Variants in SLC25A26 observed in about 807,000 individuals in gnomAD.
The protein encoded by SLC25A26 is mitochondrial S-adenosylmethionine carrier protein.
Under a neutral mutation model 37.8 loss-of-function variants are expected in SLC25A26, and 36 were observed. The observed-to-expected ratio is 0.95, with a 90% CI of 0.73 to 1.26. The LOEUF (loss-of-function observed/expected upper bound fraction) is 1.26. Ranked by LOEUF, SLC25A26 falls within the 50% of genes most tolerant of loss-of-function variation. The pLI is 0.00. For synonymous variants in SLC25A26, 129 were observed against 122.5 expected (o/e 1.05, Z -0.35); for missense variants, 390 against 331.1 (o/e 1.18, Z -1.38).
chr3:66,322,296 T>G (rs979232498), intron 5 of SLC25A26, among the ~76,000 whole-genome samples: 1 of 152,216 alleles, frequency 6.6e-6, no homozygotes, highest in African/African-American at 2.4e-5. Flanking sequence ...TTTTACCCTG[T>G]GAAGTTTAAA....
intron 5 of SLC25A26, among the ~76,000 whole-genome samples, chr3:66,274,024 A>G (rs1009506964): frequency 1.2e-4 from 18 of 152,308 alleles, no homozygotes; most frequent in Admixed American, 3.9e-4. Context: ...AGTAACCAAA[A>G]CAGCATGGTA....
upstream of SLC25A26, among the ~76,000 whole-genome samples, chr3:66,217,502 G>A: frequency 6.6e-6 from 1 of 151,916 alleles, no homozygotes; most frequent in Admixed American, 6.5e-5. Flanking sequence ...TCATCATCCT[G>A]CGAGATAGTA....
At chr3:66,172,458 A>G (rs984130628) in intron 1 of SLC25A26, among the ~76,000 whole-genome samples, 2 of 150,796 alleles carry the variant, frequency 1.3e-5, no homozygotes, top group African/African-American at 4.9e-5. Context: ...AAAGAGAGAA[A>G]GAAAGAAAAA....
chr3:66,283,014 TATC>T (rs2074397772), intron 5 of SLC25A26, among the ~76,000 whole-genome samples: 1 of 152,244 alleles, frequency 6.6e-6, no homozygotes, highest in Non-Finnish European at 1.5e-5. Flanking sequence ...TTATTGCATG[TATC>T]AATAGTTTCT....
chr3:66,355,657 A>G (rs2076557762), intron 6 of SLC25A26, among the ~76,000 whole-genome samples: 1 of 152,240 alleles, frequency 6.6e-6, no homozygotes, highest in Non-Finnish European at 1.5e-5. Context: ...GTATGTGAGT[A>G]CTTCACAGAG....
chr3:66,144,863 C>A (rs2070092507), intron 1 of SLC25A26, among the ~76,000 whole-genome samples: 1 of 152,178 alleles, frequency 6.6e-6, no homozygotes, highest in Admixed American at 6.5e-5. Context: ...ATGTGGAGAT[C>A]ATGACTCTAG....
At chr3:66,144,833 A>T (rs76188657) in intron 1 of SLC25A26, among the ~76,000 whole-genome samples, 2,362 of 152,296 alleles carry the variant, frequency 0.016, 55 homozygotes, top group African/African-American at 0.051. Flanking sequence ...AAACTCTAAT[A>T]ATCATAAAGT....
chr3:66,306,540 G>T (rs890113385), intron 5 of SLC25A26, among the ~76,000 whole-genome samples: 1 of 151,956 alleles, frequency 6.6e-6, no homozygotes, highest in Non-Finnish European at 1.5e-5. Context: ...TGCACAACGT[G>T]CAGGTTTGTT....
At chr3:66,230,674 T>C (rs1456106528) in intron 1 of SLC25A26, among the ~76,000 whole-genome samples, 4 of 151,538 alleles carry the variant, frequency 2.6e-5, no homozygotes, top group Non-Finnish European at 5.9e-5. Flanking sequence ...GCATGGTGGC[T>C]CACGCCTGTA....
chr3:66,214,785 A>AT (rs1247151537), intron 1 of SLC25A26, among the ~76,000 whole-genome samples: 22 of 150,738 alleles, frequency 1.5e-4, no homozygotes, highest in South Asian at 8.4e-4. Context: ...ATTAACTGAA[A>AT]TTTTTTTTTT....
Position 66,221,092 on chromosome 3 carries a change from A to T in SLC25A26, c.-3A>T. The T allele has an allele frequency of 6.5e-7, 1 of 1,534,048 alleles. No individual in the cohort carries two copies. Among genetic ancestry groups the T allele is most frequent in the Non-Finnish European group, 8.7e-7 (1 of 1,145,354 alleles). On this transcript the variant is annotated 5_prime_UTR_variant, in exon 1 of 10. Coordinates refer to ENST00000354883, the MANE Select transcript of SLC25A26 (RefSeq NM_001379210.1). ...TTGTAGCCTTGACGAGGTCTGAGCG[A>T]CCATGGACCGGCCGGGGTTCGTGGC...
chr3:66,176,239 T>A (rs1176931938), intron 1 of SLC25A26, among the ~76,000 whole-genome samples: 1 of 152,214 alleles, frequency 6.6e-6, no homozygotes, highest in Non-Finnish European at 1.5e-5. Flanking sequence ...TGAAAAGCCA[T>A]CTATGCATAT....
chr3:66,364,663 G>T (rs933760689), intron 7 of SLC25A26, among the ~76,000 whole-genome samples: 1 of 152,144 alleles, frequency 6.6e-6, no homozygotes, highest in South Asian at 2.1e-4. Context: ...CTGCAAAACC[G>T]AGTCGATGTA....
rs938600885 is a variant in SLC25A26, at chr3:66,215,907, T to G, written c.-353-4835T>G. On this transcript the variant is annotated intron_variant, in intron 1 of 10. Transcript: ENST00000676754. ...AACAGAAATGTATTGCTCAAAATTC[T>G]GGAGGCTGGGAAGTCCAAGGTCAAG... is the stretch of plus-strand genomic sequence containing the variant. 4.5e-4 allele frequency among the ~76,000 whole-genome samples: 68 copies of G among 152,242 alleles called. 1 individual carries two copies. The highest frequency in any genetic ancestry group is 7.3e-4 in the Non-Finnish European group (50 of 68,042).
At chr3:66,293,504 A>G (rs1263092915) in intron 5 of SLC25A26, among the ~76,000 whole-genome samples, 1 of 145,874 alleles carries the variant, frequency 6.9e-6, no homozygotes, top group Non-Finnish European at 1.5e-5. Context: ...TGTGCCCATT[A>G]GTTTTTTTTT....
intron 1 of SLC25A26, among the ~76,000 whole-genome samples, chr3:66,203,667 G>A (rs1257930021): frequency 6.6e-6 from 1 of 152,052 alleles, no homozygotes; most frequent in African/African-American, 2.4e-5. Flanking sequence ...CTTATGTCTA[G>A]AGAAAAAAAG....
intron 5 of SLC25A26, among the ~76,000 whole-genome samples, chr3:66,323,610 C>T (rs1218653475): frequency 1.3e-5 from 2 of 152,032 alleles, no homozygotes; most frequent in African/African-American, 2.4e-5. Context: ...AGTTTGAGAC[C>T]AGCTTGGGCA....
intron 5 of SLC25A26, among the ~76,000 whole-genome samples, chr3:66,266,596 T>A (rs1397850173): frequency 6.6e-6 from 1 of 151,050 alleles, no homozygotes; most frequent in African/African-American, 2.4e-5. Context: ...TTTTTTTTTT[T>A]TACTGCATTT....
chr3:66,238,120 A>T (rs2072385338), intron 2 of SLC25A26, among the ~76,000 whole-genome samples: 1 of 152,172 alleles, frequency 6.6e-6, no homozygotes, highest in Admixed American at 6.5e-5. Flanking sequence ...AGTACGTGAG[A>T]GGGGCATGGG....
Sources: gnomAD v4.1 joint callset for allele counts (sites outside exome capture counted in the v4.1 genomes callset) on GRCh38, gnomAD v4.1.1 for gene constraint, MANE v1.5 for transcripts, NCBI Gene and HGNC (gene_info 2026-07-23, HGNC 2026-07-21) for gene names.